PHACTR1: variants seen among roughly 807,000 people sequenced by gnomAD.
The protein encoded by PHACTR1 is phosphatase and actin regulator 1.
PHACTR1 carries 16 observed loss-of-function variants against 69.2 expected under a neutral mutation model. The observed-to-expected ratio is 0.23, with a 90% confidence interval of 0.16 to 0.35. The LOEUF (loss-of-function observed/expected upper bound fraction) is 0.35, where lower values mean the gene tolerates loss of function less well. Ranked by LOEUF, PHACTR1 falls within the 10% of genes least tolerant of loss-of-function variation. The pLI is 1.00. For synonymous variants in PHACTR1, 312 were observed against 284.5 expected (o/e 1.10, Z -0.97); for missense variants, 510 against 734.7 (o/e 0.69, Z 3.54).
At position 12,806,033 on chromosome 6, in the gene PHACTR1, G is replaced by T. The variant is rs962303246; in HGVS notation, c.250+56243G>T. Among the ~76,000 whole-genome samples the T allele has an allele frequency of 2.0e-5, 3 of 151,966 alleles. No individual in the cohort carries two copies. In the East Asian group the frequency reaches 5.8e-4, roughly 29 times the overall value. ...CCACTTCCCAAATCCCAATTTTATG[G>T]TCTCCTACCCCTTTTTCCCAAATAT... On this transcript the variant is annotated intron_variant, in intron 4 of 14. Transcript: ENST00000332995.
intron 12 of PHACTR1, chr6:13,279,153 T>C (rs932558867): frequency 4.0e-5 from 6 of 151,840 alleles, no homozygotes; most frequent in African/African-American, 1.2e-4. Context: ...GAGAAGCACA[T>C]AGCTTAAAGT....
chr6:13,239,049 G>T (rs1772429486), intron 10 of PHACTR1, among the ~76,000 whole-genome samples: 1 of 152,150 alleles, frequency 6.6e-6, no homozygotes, highest in Non-Finnish European at 1.5e-5. Flanking sequence ...CTCAGCTGTG[G>T]AGGAGCAGGG....
At chr6:13,223,915 A>G (rs1349631860) in intron 8 of PHACTR1, among the ~76,000 whole-genome samples, 2 of 152,022 alleles carry the variant, frequency 1.3e-5, no homozygotes, top group African/African-American at 2.4e-5. Context: ...TGTCATTGCC[A>G]TTGATAAAGA....
intron 4 of PHACTR1, among the ~76,000 whole-genome samples, chr6:12,832,554 G>T (rs1053246552): frequency 1.3e-5 from 2 of 151,928 alleles, no homozygotes; most frequent in South Asian, 4.2e-4. Context: ...ACCTGGCCTT[G>T]GTAACTGGGA....
chr6:13,278,270 C>T lies in PHACTR1; in HGVS notation c.1450C>T (p.Arg484Trp), dbSNP rs1244498072. Residue 484 changes from arginine to tryptophan, a missense_variant and splice_region_variant, in exon 12 of 15, where the codon CGG becomes TGG. Arg to Trp is a moderately radical substitution (Grantham distance 101, BLOSUM62 -3). This residue lies in a region of PHACTR1 where 91 missense variants were observed against 203.8 expected (regional missense o/e 0.45). Transcript: ENST00000332995. ...AACATCTTAAATATTTTTTTTAGCT[C>T]GGAATGAACAAGAGGAACAGGAGGA... ...ELEQRNILKPRNEQEEQEEKR... is the reference protein window; with the variant it reads ...ELEQRNILKPWNEQEEQEEKR... 3.8e-6 allele frequency: 6 copies of T among 1,590,226 alleles called. No homozygotes were observed. The highest frequency in any genetic ancestry group is 1.3e-5 in the African/African-American group (1 of 74,268).
At chr6:13,261,736 T>C (rs910802071) in intron 10 of PHACTR1, among the ~76,000 whole-genome samples, 1 of 152,236 alleles carries the variant, frequency 6.6e-6, no homozygotes, top group Admixed American at 6.5e-5. Flanking sequence ...GCAGGAATAT[T>C]GTTGCACACT....
rs1356342172 is a variant in PHACTR1 at position 13,076,658 on chromosome 6, G to A, written c.415+23129G>A. 2.6e-5 allele frequency among the ~76,000 whole-genome samples: 4 copies of A among 152,154 alleles called. No individual in the cohort carries two copies. In the South Asian group the frequency reaches 8.3e-4, roughly 32 times the overall value. On this transcript the variant is annotated intron_variant, in intron 5 of 14. Transcript: ENST00000332995. Reference sequence around the variant, plus strand: ...CTTGAGTGTGGCCCAGTTGGAGCTGGAGTGGAGATGGCAACAGAGCTCTGA... The same window carrying A: ...CTTGAGTGTGGCCCAGTTGGAGCTGAAGTGGAGATGGCAACAGAGCTCTGA...
rs145950782 is a variant in PHACTR1 at position 13,042,308 on chromosome 6, G to T, written c.251-11057G>T. 3.3e-5 allele frequency among the ~76,000 whole-genome samples: 5 copies of T among 152,294 alleles called. No homozygotes were observed. The South Asian group carries it at 1.0e-3, about 32-fold the overall frequency. On this transcript the variant is annotated intron_variant, in intron 4 of 14. Coordinates refer to ENST00000332995, the MANE Select transcript of PHACTR1 (RefSeq NM_030948.6). ...TTAAAATTATTCCCAGTGATTTCAC[G>T]TTTTAGGGACTGGCAGGCAGCACTG...
intron 4 of PHACTR1, among the ~76,000 whole-genome samples, chr6:12,798,699 A>G (rs1773365688): frequency 6.6e-6 from 1 of 152,190 alleles, no homozygotes; most frequent in African/African-American, 2.4e-5. Flanking sequence ...TGAAGAGGTC[A>G]GGGTATCGCA....
intron 4 of PHACTR1, among the ~76,000 whole-genome samples, chr6:12,777,564 C>A (rs899846031): frequency 2.0e-5 from 3 of 151,414 alleles, no homozygotes; most frequent in African/African-American, 7.3e-5. Flanking sequence ...AAGGCCATGA[C>A]CTCATTCTTT....
chr6:12,761,146 C>T (rs1406585158), intron 4 of PHACTR1, among the ~76,000 whole-genome samples: 1 of 152,200 alleles, frequency 6.6e-6, no homozygotes, highest in African/African-American at 2.4e-5. Flanking sequence ...TTCATTGCTA[C>T]TTTGAAAACC....
At chr6:12,941,356 T>C (rs536138406) in intron 4 of PHACTR1, among the ~76,000 whole-genome samples, 1 of 152,272 alleles carries the variant, frequency 6.6e-6, no homozygotes, top group East Asian at 1.9e-4. Flanking sequence ...GCACTCTTTA[T>C]GGCCATTTGT....
chr6:13,076,017 A>G (rs1267363155), intron 5 of PHACTR1, among the ~76,000 whole-genome samples: 1 of 145,854 alleles, frequency 6.9e-6, no homozygotes, highest in Non-Finnish European at 1.5e-5. Context: ...AAAACAATGC[A>G]AGGGAGCATC....
intron 4 of PHACTR1, among the ~76,000 whole-genome samples, chr6:12,874,133 G>T (rs974984232): frequency 2.0e-5 from 3 of 152,166 alleles, no homozygotes; most frequent in African/African-American, 4.8e-5. Context: ...AGTAGGACTG[G>T]GTGGGCCTAA....
At chr6:12,841,752 G>C (rs762992640) in intron 4 of PHACTR1, among the ~76,000 whole-genome samples, 1 of 152,148 alleles carries the variant, frequency 6.6e-6, no homozygotes, top group East Asian at 1.9e-4. Context: ...GGCCAAGAAT[G>C]TGTACAGTAA....
intron 8 of PHACTR1, among the ~76,000 whole-genome samples, chr6:13,225,722 C>A (rs957228492): frequency 1.3e-5 from 2 of 152,174 alleles, no homozygotes; most frequent in Non-Finnish European, 2.9e-5. Flanking sequence ...TGCTTTCATC[C>A]CCAGCTCCCG....
At chr6:13,042,383 C>T (rs563602967) in intron 4 of PHACTR1, among the ~76,000 whole-genome samples, 2 of 152,248 alleles carry the variant, frequency 1.3e-5, no homozygotes, top group South Asian at 4.1e-4. Flanking sequence ...TAGCCAGCCA[C>T]CTGAAGGCAA....
intron 4 of PHACTR1, among the ~76,000 whole-genome samples, chr6:13,004,639 C>T (rs923084207): frequency 3.9e-5 from 6 of 152,172 alleles, no homozygotes; most frequent in Non-Finnish European, 8.8e-5. Context: ...GTTTGCTGCA[C>T]CTATCAACCT....
chr6:13,061,057 G>A (rs1807608500), intron 5 of PHACTR1, among the ~76,000 whole-genome samples: 1 of 152,128 alleles, frequency 6.6e-6, no homozygotes, highest in Non-Finnish European at 1.5e-5. Flanking sequence ...CCCTGCCAGT[G>A]GCCACTGGCA....
Sources: gnomAD v4.1 joint callset for allele counts (sites outside exome capture counted in the v4.1 genomes callset) on GRCh38, gnomAD v4.1.1 for gene constraint, gnomAD v4.1.1 regional missense constraint, MANE v1.5 for transcripts, NCBI Gene and HGNC (gene_info 2026-07-23, HGNC 2026-07-21) for gene names.